The following COL23A1 variants were observed in gnomAD, a reference collection of about 807,000 sequenced individuals.
COL23A1 encodes collagen type XXIII alpha 1 chain, also known as collagen alpha-1(XXIII) chain.
Under a neutral mutation model 99.3 loss-of-function variants are expected in COL23A1, and 97 were observed. The observed-to-expected ratio is 0.98, with a 90% confidence interval of 0.83 to 1.16. The LOEUF is 1.16. Ranked by LOEUF, COL23A1 falls within the 50% of genes most tolerant of loss-of-function variation. The probability of loss-of-function intolerance (pLI) is 0.00; values close to 1 mark genes in which losing one functional copy is unlikely to be tolerated. For synonymous variants in COL23A1, 320 were observed against 308.2 expected, an observed-to-expected ratio of 1.04 and a Z score of -0.40; for missense variants, 762 against 757.4, an observed-to-expected ratio of 1.01 and a Z score of -0.07.
chr5:178,355,781 T>G (rs998958056), intron 2 of COL23A1, among the ~76,000 whole-genome samples: 5 of 152,094 alleles, frequency 3.3e-5, no homozygotes, highest in Non-Finnish European at 7.4e-5. Flanking sequence ...TGTTTGTATT[T>G]TTTTCTGAAT....
In COL23A1 at chr5:178,550,457, G is replaced by A. The variant is rs181918130; in HGVS notation, c.361+10225C>T. Among the ~76,000 whole-genome samples, 481 of 152,210 alleles carry A rather than the reference G, an allele frequency of 3.2e-3. 5 individuals are homozygous for A. Among genetic ancestry groups the A allele is most frequent in the African/African-American group, 0.011 (443 of 41,522 alleles). ...TCAACTACAAATGTCTCCAAATACT[G>A]CCATGTGACCTCCTGGGGGCAAAAC... On this transcript the variant is annotated intron_variant, in intron 2 of 28. Transcript: ENST00000390654.
chr5:178,250,998 A>G (rs1306013216), intron 17 of COL23A1, among the ~76,000 whole-genome samples: 1 of 141,652 alleles, frequency 7.1e-6, no homozygotes, highest in African/African-American at 2.5e-5. Flanking sequence ...AAAAAAAAAA[A>G]AGAGTATGTT....
intron 2 of COL23A1, among the ~76,000 whole-genome samples, chr5:178,440,153 T>C (rs558680028): frequency 6.6e-6 from 1 of 152,164 alleles, no homozygotes; most frequent in Non-Finnish European, 1.5e-5. Context: ...GTGAATTTTA[T>C]GGTATATTTC....
intron 2 of COL23A1, among the ~76,000 whole-genome samples, chr5:178,471,294 T>G (rs1756736415): frequency 6.6e-6 from 1 of 152,134 alleles, no homozygotes; most frequent in South Asian, 2.1e-4. Flanking sequence ...CAGGCTGGAG[T>G]GCAGTGGTGC....
intron 2 of COL23A1, among the ~76,000 whole-genome samples, chr5:178,322,233 C>G (rs1442124683): frequency 6.6e-6 from 1 of 151,648 alleles, no homozygotes. Flanking sequence ...ACCTCGTGAT[C>G]CGCCTGCCTC....
At chr5:178,299,727 AT>A (rs1757929229) in intron 3 of COL23A1, among the ~76,000 whole-genome samples, 1 of 147,496 alleles carries the variant, frequency 6.8e-6, no homozygotes, top group Non-Finnish European at 1.5e-5. Flanking sequence ...AGTTTCTTTT[AT>A]TTTTTAATTT....
chr5:178,463,016 G>A (rs970204318), intron 2 of COL23A1, among the ~76,000 whole-genome samples: 1 of 152,262 alleles, frequency 6.6e-6, no homozygotes, highest in Non-Finnish European at 1.5e-5. Context: ...CTTACCCAAA[G>A]GTTGCAAGGG....
chr5:178,422,776 A>G (rs1765706140), intron 2 of COL23A1, among the ~76,000 whole-genome samples: 1 of 152,194 alleles, frequency 6.6e-6, no homozygotes, highest in Non-Finnish European at 1.5e-5. Context: ...CAATACAGTT[A>G]GGATAAATTA....
chr5:178,238,819 C>T (rs1293216771), intron 28 of COL23A1, 119 bp from the exon 29 acceptor site: 3 of 1,386,012 alleles, frequency 2.2e-6, no homozygotes, highest in South Asian at 1.2e-5. Context: ...CCTCCCCCCA[C>T]TCCCTCTCAG....
At chr5:178,583,237 C>T (rs530937741) in intron 1 of COL23A1, among the ~76,000 whole-genome samples, 1 of 152,316 alleles carries the variant, frequency 6.6e-6, no homozygotes, top group South Asian at 2.1e-4. Context: ...AGAACAAGCA[C>T]CCACTGGCCT....
chr5:178,325,439 C>T (rs540745709), intron 2 of COL23A1, among the ~76,000 whole-genome samples: 10 of 152,248 alleles, frequency 6.6e-5, no homozygotes, highest in South Asian at 2.1e-4. Flanking sequence ...CCTGGACATG[C>T]TACACCCCCT....
chr5:178,459,507 A>G (rs1346128958), intron 2 of COL23A1, among the ~76,000 whole-genome samples: 5 of 152,212 alleles, frequency 3.3e-5, no homozygotes, highest in African/African-American at 9.7e-5. Flanking sequence ...CACACCTGTA[A>G]TCTCAGCACT....
At chr5:178,418,231 A>G (rs1219137887) in intron 2 of COL23A1, among the ~76,000 whole-genome samples, 1 of 152,256 alleles carries the variant, frequency 6.6e-6, no homozygotes, top group Non-Finnish European at 1.5e-5. Context: ...GATATAATAC[A>G]CATAGAATAT....
chr5:178,496,117 C>T (rs753867268), intron 2 of COL23A1, among the ~76,000 whole-genome samples: 13 of 152,150 alleles, frequency 8.5e-5, no homozygotes, highest in Non-Finnish European at 1.9e-4. Context: ...TCTCACTGAA[C>T]GAGCTTGTCC....
chr5:178,534,293 G>C (rs1392722836), intron 2 of COL23A1, among the ~76,000 whole-genome samples: 1 of 152,078 alleles, frequency 6.6e-6, no homozygotes. Flanking sequence ...CATTTCCTAA[G>C]GGCAATAATG....
chr5:178,579,403 C>A (rs1763547834), intron 1 of COL23A1, among the ~76,000 whole-genome samples: 1 of 152,164 alleles, frequency 6.6e-6, no homozygotes, highest in Non-Finnish European at 1.5e-5. Context: ...GGTCACACAG[C>A]TGGAAAATAG....
intron 5 of COL23A1, among the ~76,000 whole-genome samples, chr5:178,285,183 A>C (rs1175400350): frequency 2.0e-5 from 3 of 152,164 alleles, no homozygotes; most frequent in African/African-American, 7.2e-5. Flanking sequence ...CGTGTCCTCC[A>C]GCCACTCCTA....
rs190102568 is a variant in COL23A1, at chr5:178,482,493, G to A, written c.361+78189C>T. Among the ~76,000 whole-genome samples, 191 of 152,336 alleles carry A rather than the reference G, an allele frequency of 1.3e-3. 1 individual carries two copies. Among genetic ancestry groups the A allele is most frequent in the African/African-American group, 4.3e-3 (178 of 41,564 alleles). On this transcript the variant is annotated intron_variant, in intron 2 of 28. Transcript: ENST00000390654. Reference sequence around the variant, plus strand: ...ATCGTTTAATGGGTATGGAGTTTCAGTTGGGGAAGATGAAGAAAAAGGTTC... The same window carrying A: ...ATCGTTTAATGGGTATGGAGTTTCAATTGGGGAAGATGAAGAAAAAGGTTC...
intron 2 of COL23A1, among the ~76,000 whole-genome samples, chr5:178,363,411 A>G (rs1762280720): frequency 6.6e-6 from 1 of 152,074 alleles, no homozygotes; most frequent in South Asian, 2.1e-4. Flanking sequence ...CAGTGCACTC[A>G]CTCATTCACT....
Sources: gnomAD v4.1 joint callset for allele counts (sites outside exome capture counted in the v4.1 genomes callset) on GRCh38, gnomAD v4.1.1 for gene constraint, MANE v1.5 for transcripts, NCBI Gene and HGNC (gene_info 2026-07-23, HGNC 2026-07-21) for gene names.